The following SLC25A53 variants were observed in gnomAD, a reference collection of about 807,000 sequenced individuals.
SLC25A53 encodes mitochondrial carrier triple repeat protein 6.
In SLC25A53, 5 loss-of-function variants were observed where a neutral mutation model predicts 15.0. The observed-to-expected ratio is 0.33, with a 90% CI of 0.17 to 0.70. SLC25A53 has a LOEUF of 0.70. Ranked by LOEUF, SLC25A53 falls within the 30% of genes least tolerant of loss-of-function variation. The pLI is 0.67. For synonymous variants in SLC25A53, 95 were observed against 100.0 expected (o/e 0.95, Z 0.30); for missense variants, 216 against 241.6 (o/e 0.89, Z 0.70).
At chrX:104,110,021 C>A (rs2075331693) in intron 1 of SLC25A53, among the ~76,000 whole-genome samples, 2 of 111,475 alleles carry the variant, frequency 1.8e-5, no homozygotes, top group African/African-American at 6.5e-5. Context: ...AAATACTACC[C>A]CCATCCCTGC....
chrX:104,155,713 T>C (rs188952139), intron 1 of SLC25A53, among the ~76,000 whole-genome samples: 1 of 110,765 alleles, frequency 9.0e-6, no homozygotes, highest in Admixed American at 9.6e-5. Context: ...CGCCTGGAAG[T>C]CCCATTGTGA....
At chrX:104,146,184 T>C (rs1249210802) in intron 1 of SLC25A53, among the ~76,000 whole-genome samples, 1 of 111,918 alleles carries the variant, frequency 8.9e-6, no homozygotes, top group African/African-American at 3.3e-5. Context: ...ACCCATCACA[T>C]GAACAGAAAA....
chrX:104,135,840 T>C (rs1226091438), intron 1 of SLC25A53, among the ~76,000 whole-genome samples: 1 of 112,249 alleles, frequency 8.9e-6, no homozygotes, highest in Non-Finnish European at 1.9e-5. Context: ...AAATGGCTGC[T>C]GCCTTTTAAG....
In SLC25A53 at chrX:104,116,118, CG is replaced by C. The variant is rs369156700; in HGVS notation, c.-31-10831del. Among the ~76,000 whole-genome samples, 205 of 101,744 alleles carry C rather than the reference CG, an allele frequency of 2.0e-3. 1 individual carries two copies. The highest frequency in any genetic ancestry group is 6.7e-3 in the African/African-American group (183 of 27,424). The allele number at this position is 101,744 out of a possible 115,157, so 88.4% of individuals were successfully genotyped here. On this transcript the variant is annotated intron_variant, in intron 1 of 1. Coordinates refer to ENST00000594199, the MANE Select transcript of SLC25A53 (RefSeq NM_001012755.5). Reference sequence around the variant, plus strand: ...ATATCATGAGACATCAGATGGGGAACGGGGGGGGGACAAAAATTGAAAATGG... The same window carrying C: ...ATATCATGAGACATCAGATGGGGAACGGGGGGGGACAAAAATTGAAAATGG...
chrX:104,150,196 G>C lies in SLC25A53; in HGVS notation c.-32+6682C>G. Among the ~76,000 whole-genome samples, 4 of 104,527 alleles carry C rather than the reference G, an allele frequency of 3.8e-5. No individual in the cohort carries two copies. In the Middle Eastern group the frequency reaches 0.019, roughly 505 times the overall value. The allele number at this position is 104,527 out of a possible 115,157, so 90.8% of individuals were successfully genotyped here. ...TGCAGTGAGCTGAGATCGCACCACT[G>C]CACTCCAGTCTGGGTGACAGAGCAA... On this transcript the variant is annotated intron_variant, in intron 1 of 1. Coordinates refer to ENST00000594199, the MANE Select transcript of SLC25A53 (RefSeq NM_001012755.5).
intron 1 of SLC25A53, among the ~76,000 whole-genome samples, chrX:104,144,829 AC>A (rs1220777213): frequency 9.0e-6 from 1 of 111,426 alleles, no homozygotes; most frequent in African/African-American, 3.3e-5. Context: ...GTTCTTAGAG[AC>A]CTACAAAGAG....
intron 1 of SLC25A53, among the ~76,000 whole-genome samples, chrX:104,142,936 A>G (rs1311065517): frequency 9.2e-6 from 1 of 108,597 alleles, no homozygotes; most frequent in Non-Finnish European, 1.9e-5. Context: ...AAAAAAAAAA[A>G]AAAAGAAGGC....
chrX:104,128,739 AACACACACACACATAAACAGACACAGAC>A (rs2075417758), intron 1 of SLC25A53, among the ~76,000 whole-genome samples: 1 of 110,077 alleles, frequency 9.1e-6, no homozygotes, highest in South Asian at 3.7e-4. Context: ...AGTACTCCAA[AACACACACACACATAAACAGACACAGAC>A]ACACACACGT....
intron 1 of SLC25A53, among the ~76,000 whole-genome samples, chrX:104,142,921 A>G (rs1356802941): frequency 7.7e-5 from 7 of 90,431 alleles, no homozygotes; most frequent in African/African-American, 3.4e-4. Context: ...ACTCCATCTC[A>G]AAAAAAAAAA....
Position 104,105,231 on chromosome X carries a change from C to G in SLC25A53, c.27G>C (p.Gly9=). 6 of 1,209,093 alleles carry G rather than the reference C, an allele frequency of 5.0e-6. No homozygotes were observed. Among genetic ancestry groups the G allele is most frequent in the Non-Finnish European group, 6.7e-6 (6 of 894,044 alleles). MGEQNHSP[G]KELQHRTRAE... ...CTCGCGTCCTGTGCTGAAGCTCCTT[C>G]CCGGGAGAGTGGTTCTGCTCCCCCA... is the stretch of plus-strand genomic sequence containing the variant. The change falls in exon 2 of 2, where the codon GGG becomes GGC. Residue 9 remains glycine, a synonymous_variant. Coordinates refer to ENST00000594199, the MANE Select transcript of SLC25A53 (RefSeq NM_001012755.5).
At chrX:104,126,634 G>C (rs1238715477) in intron 1 of SLC25A53, among the ~76,000 whole-genome samples, 2 of 111,579 alleles carry the variant, frequency 1.8e-5, no homozygotes, top group African/African-American at 3.3e-5. Context: ...CTGGGTGACA[G>C]AGTGAGACCC....
Position 104,104,822 on chromosome X carries a change from G to C in SLC25A53, c.436C>G (p.Arg146Gly). The change falls in exon 2 of 2, where the codon CGC (arginine) becomes GGC (glycine). Residue 146 changes from arginine to glycine, a missense_variant. Transcript: ENST00000594199. ...GTGCTGGGGAAGCGAGCTTGCTTGC[G>C]ACCATCCTGGAGCACATTTTGCACC... Reference protein sequence around the residue: ...ERVQNVLQDGRKQARFPSTFS... With the variant: ...ERVQNVLQDGGKQARFPSTFS... The C allele has an allele frequency of 8.3e-7, 1 of 1,211,602 alleles. No homozygotes were observed. The highest frequency in any genetic ancestry group is 1.1e-6 in the Non-Finnish European group (1 of 895,532).
intron 1 of SLC25A53, among the ~76,000 whole-genome samples, chrX:104,124,604 A>G (rs1470739461): frequency 5.5e-5 from 6 of 109,735 alleles, no homozygotes; most frequent in African/African-American, 2.0e-4. Flanking sequence ...AAATGAAAAA[A>G]TTAGCCAGGC....
intron 1 of SLC25A53, among the ~76,000 whole-genome samples, chrX:104,116,455 C>A (rs782788920): frequency 7.2e-5 from 8 of 110,807 alleles, no homozygotes; most frequent in Non-Finnish European, 1.3e-4. Flanking sequence ...GCAGCCAGAG[C>A]TGGCACCTCA....
chrX:104,115,246 C>T, intron 1 of SLC25A53: 1 of 1,200,454 alleles, frequency 8.3e-7, no homozygotes, highest in Non-Finnish European at 1.1e-6. Flanking sequence ...GATCATCACC[C>T]TGCAGGAGCT....
Position 104,100,371 on chromosome X carries a change from A to G in SLC25A53, c.*3963T>C, listed in dbSNP as rs2075275278. 1 of 111,738 alleles carries G rather than the reference A, an allele frequency of 8.9e-6. No individual in the cohort carries two copies. The highest frequency in any genetic ancestry group is 9.5e-5 in the Admixed American group (1 of 10,497). 9.2% of individuals were successfully genotyped at this position (111,738 alleles called of 1,213,427 possible). ...TAAATTGTATATTTTATGTGTTTAA[A>G]CAGATATAGATATTTATTACCTCCT... On this transcript the variant is annotated 3_prime_UTR_variant, in exon 2 of 2. Coordinates refer to ENST00000594199, the MANE Select transcript of SLC25A53 (RefSeq NM_001012755.5).
chrX:104,137,494 A>G (rs1556366694), intron 1 of SLC25A53, among the ~76,000 whole-genome samples: 2 of 111,234 alleles, frequency 1.8e-5, no homozygotes, highest in South Asian at 3.8e-4. Flanking sequence ...GAAAAAGCCA[A>G]TCCTTCAAGA....
chrX:104,153,468 T>A (rs1174943964), intron 1 of SLC25A53, among the ~76,000 whole-genome samples: 1 of 111,780 alleles, frequency 8.9e-6, no homozygotes, highest in Non-Finnish European at 1.9e-5. Context: ...GTATTTCTTC[T>A]AAAGGGAGAG....
At chrX:104,129,934 C>T (rs2075421472) in intron 1 of SLC25A53, among the ~76,000 whole-genome samples, 1 of 105,611 alleles carries the variant, frequency 9.5e-6, no homozygotes, top group African/African-American at 3.4e-5. Flanking sequence ...ATTGTTGAAG[C>T]TGGATGATAA....
Sources: gnomAD v4.1 joint callset for allele counts (sites outside exome capture counted in the v4.1 genomes callset) on GRCh38, gnomAD v4.1.1 for gene constraint, MANE v1.5 for transcripts, NCBI Gene and HGNC (gene_info 2026-07-23, HGNC 2026-07-21) for gene names.